The following GLIS3 variants were observed in gnomAD, a reference collection of about 807,000 sequenced individuals.
GLIS3 encodes GLIS family zinc finger 3.
GLIS3 carries 53 observed loss-of-function variants against 78.6 expected under a neutral mutation model. That is an observed-to-expected ratio of 0.67 (90% CI 0.54 to 0.85). GLIS3 has a LOEUF of 0.85. Among genes scored for constraint, GLIS3 ranks in the 40% least tolerant of loss-of-function variants. GLIS3 has a pLI of 0.00. For missense variants in GLIS3, 1,703 were observed against 1,231.1 expected (o/e 1.38, Z -5.74); for synonymous variants, 684 against 509.9 (o/e 1.34, Z -4.60).
At chr9:4,060,066 TGGTCAACTC>T (rs963589457) in intron 4 of GLIS3, among the ~76,000 whole-genome samples, 1 of 152,050 alleles carries the variant, frequency 6.6e-6, no homozygotes, top group African/African-American at 2.4e-5. Flanking sequence ...CTGGCCAACC[TGGTCAACTC>T]ATGTGAGCCC....
At chr9:4,295,485 A>G (rs538388402) in intron 1 of GLIS3, among the ~76,000 whole-genome samples, 80 of 152,328 alleles carry the variant, frequency 5.3e-4, no homozygotes, top group African/African-American at 1.8e-3. Context: ...ACCTAATAAA[A>G]GGTTGTTGTG....
intron 4 of GLIS3, among the ~76,000 whole-genome samples, chr9:3,964,543 C>T (rs1385586666): frequency 6.6e-6 from 1 of 152,172 alleles, no homozygotes; most frequent in Non-Finnish European, 1.5e-5. Context: ...ATCTGATGTT[C>T]TGAAGATGAC....
chr9:3,917,321 T>C (rs1426723940), intron 6 of GLIS3, among the ~76,000 whole-genome samples: 1 of 152,222 alleles, frequency 6.6e-6, no homozygotes, highest in Admixed American at 6.5e-5. Context: ...TGAAGATGTT[T>C]GCATGAACAG....
the GLIS3 span, among the ~76,000 whole-genome samples, chr9:4,451,466 C>T: frequency 1.3e-5 from 2 of 152,104 alleles, no homozygotes; most frequent in African/African-American, 4.8e-5. Flanking sequence ...CAAGGATATC[C>T]AGGAATTGAA....
upstream of GLIS3, among the ~76,000 whole-genome samples, chr9:4,349,906 C>G (rs948476136): frequency 6.6e-6 from 1 of 152,204 alleles, no homozygotes; most frequent in African/African-American, 2.4e-5. Flanking sequence ...ATCGATGAAT[C>G]TTCTGTGGGG....
chr9:4,368,582 A>T, the GLIS3 span, among the ~76,000 whole-genome samples: 27 of 152,096 alleles, frequency 1.8e-4, no homozygotes, highest in Non-Finnish European at 3.5e-4. Flanking sequence ...CCATCTCCTG[A>T]CCTCGTGATC....
intron 6 of GLIS3, among the ~76,000 whole-genome samples, chr9:3,919,995 T>C (rs760739094): frequency 1.5e-4 from 21 of 136,646 alleles, no homozygotes; most frequent in African/African-American, 5.3e-4. Context: ...CATTATGCTA[T>C]TACAGTTTTT....
chr9:4,348,092 A>T (rs1817917358), intron 1 of GLIS3: 1 of 152,258 alleles, frequency 6.6e-6, no homozygotes, highest in Non-Finnish European at 1.5e-5. Context: ...AAATGCACAG[A>T]GATCTTTGAA....
chr9:4,443,346 T>G, the GLIS3 span, among the ~76,000 whole-genome samples: 240 of 152,324 alleles, frequency 1.6e-3, no homozygotes, highest in African/African-American at 5.3e-3. Flanking sequence ...AGCGAGAAAG[T>G]GTTAAAATAT....
At chr9:4,070,847 G>T (rs949990467) in intron 4 of GLIS3, 1 of 152,106 alleles carries the variant, frequency 6.6e-6, no homozygotes, top group Non-Finnish European at 1.5e-5. Context: ...TATGGGCTAG[G>T]TATAAAAGCC....
chr9:4,243,988 G>A (rs1213059038), intron 2 of GLIS3, among the ~76,000 whole-genome samples: 1 of 152,164 alleles, frequency 6.6e-6, no homozygotes, highest in African/African-American at 2.4e-5. Flanking sequence ...GAGAACATCT[G>A]GCCATTCCCT....
chr9:3,896,306 G>T (rs1405958792), intron 7 of GLIS3, among the ~76,000 whole-genome samples: 1 of 152,112 alleles, frequency 6.6e-6, no homozygotes, highest in Non-Finnish European at 1.5e-5. Flanking sequence ...AACAAAAGGC[G>T]TAACATTTTT....
intron 2 of GLIS3, among the ~76,000 whole-genome samples, chr9:4,204,494 C>T (rs953614837): frequency 2.6e-5 from 4 of 152,080 alleles, no homozygotes; most frequent in Non-Finnish European, 4.4e-5. Flanking sequence ...GAAACCAATA[C>T]TTATTAACAA....
chr9:3,855,455 TATTCACAGATAAGTAAA>T (rs1819714811), intron 9 of GLIS3: 1 of 165,152 alleles, frequency 6.1e-6, no homozygotes, highest in African/African-American at 2.4e-5. Context: ...AAGTATGTTT[TATTCACAGATAAGTAAA>T]ACACAAGGTA....
chr9:4,199,973 T>C (rs111277029), intron 2 of GLIS3, among the ~76,000 whole-genome samples: 2,228 of 152,148 alleles, frequency 0.015, 59 homozygotes, highest in African/African-American at 0.051. Context: ...TGGACCACAG[T>C]GGAATAAAAA....
intron 4 of GLIS3, among the ~76,000 whole-genome samples, chr9:4,025,112 C>G (rs773733632): frequency 4.6e-5 from 7 of 151,982 alleles, no homozygotes; most frequent in African/African-American, 1.7e-4. Context: ...ATTAGCCAAG[C>G]GTGGTGGTGC....
At chr9:4,056,686 C>A (rs1011232602) in intron 4 of GLIS3, among the ~76,000 whole-genome samples, 1 of 152,054 alleles carries the variant, frequency 6.6e-6, no homozygotes, top group African/African-American at 2.4e-5. Flanking sequence ...CACACATGCA[C>A]GTGTGCATAT....
chr9:4,398,677 C>A, the GLIS3 span, among the ~76,000 whole-genome samples: 1 of 150,786 alleles, frequency 6.6e-6, no homozygotes, highest in Admixed American at 6.6e-5. Context: ...GTTGCTTAAG[C>A]TCTTTTGTTG....
At chr9:4,190,879 C>A (rs1028311466) in intron 2 of GLIS3, among the ~76,000 whole-genome samples, 2 of 152,254 alleles carry the variant, frequency 1.3e-5, no homozygotes, top group East Asian at 3.9e-4. Context: ...GGCCAATATG[C>A]AACATTCTTA....
Sources: gnomAD v4.1 joint callset for allele counts (sites outside exome capture counted in the v4.1 genomes callset) on GRCh38, gnomAD v4.1.1 for gene constraint, MANE v1.5 for transcripts, NCBI Gene and HGNC (gene_info 2026-07-23, HGNC 2026-07-21) for gene names.